The following ATP6V1H variants were observed in gnomAD, a reference collection of about 807,000 sequenced individuals.
ATP6V1H encodes the protein ATPase H+ transporting V1 subunit H, also known as V-type proton ATPase subunit H.
ATP6V1H carries 39 observed loss-of-function variants against 71.7 expected under a neutral mutation model. The ratio of observed to expected loss-of-function variants is 0.54; its 90% CI spans 0.42 to 0.71. ATP6V1H has a LOEUF of 0.71. Among genes scored for constraint, ATP6V1H ranks in the 30% least tolerant of loss-of-function variants. The probability of loss-of-function intolerance (pLI) is 0.00; values close to 1 mark genes in which losing one functional copy is unlikely to be tolerated. For synonymous variants in ATP6V1H, 192 were observed against 199.3 expected, an observed-to-expected ratio of 0.96 and a Z score of 0.31; for missense variants, 509 against 594.9, an observed-to-expected ratio of 0.86 and a Z score of 1.50.
intron 4 of ATP6V1H, among the ~76,000 whole-genome samples, chr8:53,819,042 CA>C (rs554153966): frequency 6.6e-6 from 1 of 151,242 alleles, no homozygotes; most frequent in Non-Finnish European, 1.5e-5. Context: ...CCCATCTCTA[CA>C]AAAAAATAAA....
intron 7 of ATP6V1H, among the ~76,000 whole-genome samples, chr8:53,804,038 G>C (rs1004711636): frequency 6.6e-6 from 1 of 152,130 alleles, no homozygotes; most frequent in Non-Finnish European, 1.5e-5. Context: ...TGGATTCTTG[G>C]TTGTTATTTA....
chr8:53,794,087 T>C (rs538939379), intron 9 of ATP6V1H, among the ~76,000 whole-genome samples: 13 of 152,054 alleles, frequency 8.5e-5, no homozygotes, highest in East Asian at 3.9e-4. Flanking sequence ...AGAGCACTGG[T>C]TAAATAAATA....
intron 9 of ATP6V1H, among the ~76,000 whole-genome samples, chr8:53,781,393 T>G (rs1039849611): frequency 1.3e-5 from 2 of 152,186 alleles, no homozygotes; most frequent in Admixed American, 6.5e-5. Context: ...GGGTTGTTTG[T>G]TTTTTTCTTG....
At chr8:53,722,513 G>A (rs993824894) in intron 13 of ATP6V1H, among the ~76,000 whole-genome samples, 5 of 152,184 alleles carry the variant, frequency 3.3e-5, no homozygotes, top group East Asian at 1.9e-4. Context: ...AAGATAGCAC[G>A]TAAGCAAAGT....
chr8:53,815,618 T>C (rs1810423212), intron 5 of ATP6V1H, among the ~76,000 whole-genome samples: 1 of 152,220 alleles, frequency 6.6e-6, no homozygotes, highest in South Asian at 2.1e-4. Flanking sequence ...TAGGGACTAA[T>C]GGGGCGCCTT....
intron 5 of ATP6V1H, among the ~76,000 whole-genome samples, 178 bp downstream of exon 5, chr8:53,817,239 A>T (rs1331895533): frequency 1.8e-5 from 2 of 113,472 alleles, no homozygotes; most frequent in East Asian, 1.3e-3. Flanking sequence ...TTTGTATTTA[A>T]AAAAAAAAAA....
chr8:53,764,614 T>C (rs1808385323), intron 11 of ATP6V1H, among the ~76,000 whole-genome samples: 1 of 152,090 alleles, frequency 6.6e-6, no homozygotes, highest in African/African-American at 2.4e-5. Flanking sequence ...CTCCCTAAGA[T>C]CAGAAGCAAC....
At position 53,772,903 on chromosome 8, in the gene ATP6V1H, C is replaced by CAAAAAAAAAAAA. The variant is rs201949406; in HGVS notation, c.871-748_871-737dup. 8.4e-4 allele frequency among the ~76,000 whole-genome samples: 50 copies of CAAAAAAAAAAAA among 59,286 alleles called. 1 individual carries two copies. Among genetic ancestry groups the CAAAAAAAAAAAA allele is most frequent in the African/African-American group, 1.8e-3 (29 of 15,912 alleles). 38.9% of individuals were successfully genotyped at this position (59,286 alleles called of 152,430 possible). ...GCTAGTTTAAAAAGCCTATCAAATG[C>CAAAAAAAAAAAA]AAAAAAAAAAAAAAAAAAACAAAAC... On this transcript the variant is annotated intron_variant, in intron 9 of 13. Coordinates refer to ENST00000359530, the MANE Select transcript of ATP6V1H (RefSeq NM_015941.4).
At chr8:53,738,034 G>A (rs1452614812) in intron 13 of ATP6V1H, among the ~76,000 whole-genome samples, 6 of 152,140 alleles carry the variant, frequency 3.9e-5, no homozygotes, top group African/African-American at 7.2e-5. Context: ...ATATCTTAGA[G>A]AGTGAATATA....
chr8:53,721,282 A>C (rs1286966056), intron 13 of ATP6V1H, among the ~76,000 whole-genome samples: 1 of 152,194 alleles, frequency 6.6e-6, no homozygotes, highest in African/African-American at 2.4e-5. Flanking sequence ...CTGAAAAAAA[A>C]CAAATTTTGT....
chr8:53,756,326 C>T (rs368199486), intron 12 of ATP6V1H: 1 of 300,588 alleles, frequency 3.3e-6, no homozygotes, highest in Non-Finnish European at 6.1e-6. Context: ...TTGTGATCTG[C>T]CTGCCTCGGC....
intron 13 of ATP6V1H, among the ~76,000 whole-genome samples, chr8:53,729,988 A>C (rs1806960978): frequency 6.6e-6 from 1 of 152,230 alleles, no homozygotes; most frequent in Admixed American, 6.5e-5. Context: ...CTGATGCGGA[A>C]AGCTGAGCTA....
chr8:53,721,392 T>C (rs564019526), intron 13 of ATP6V1H, among the ~76,000 whole-genome samples: 15 of 152,372 alleles, frequency 9.8e-5, no homozygotes, highest in Non-Finnish European at 1.8e-4. Flanking sequence ...AAGTACTATA[T>C]AGTCCAACTC....
At chr8:53,824,856 C>T (rs925509527) in intron 4 of ATP6V1H, among the ~76,000 whole-genome samples, 3 of 151,686 alleles carry the variant, frequency 2.0e-5, no homozygotes, top group African/African-American at 7.3e-5. Context: ...TTATAATTTA[C>T]AACTTTTATA....
chr8:53,802,736 T>C (rs1439943725), intron 7 of ATP6V1H, among the ~76,000 whole-genome samples: 2 of 151,684 alleles, frequency 1.3e-5, no homozygotes, highest in Non-Finnish European at 2.9e-5. Flanking sequence ...AGTAAATAAA[T>C]AAATAAATAA....
Position 53,843,214 on chromosome 8 carries a change from C to T in ATP6V1H, c.-216G>A, listed in dbSNP as rs1000765995. The T allele has an allele frequency of 6.6e-6, 1 of 152,408 alleles. No individual in the cohort carries two copies. The highest frequency in any genetic ancestry group is 2.1e-4 in the South Asian group (1 of 4,828). 9.4% of individuals were successfully genotyped at this position (152,408 alleles called of 1,614,324 possible). A position where few individuals can be genotyped will look rare whatever the true frequency, so the allele number is the denominator to read the frequency against. ...GCCGAAAGTGAAGCGGGTCCCGCACCAAGGAGACGTTGAGGGCCGCACAGG... is the reference window on the plus strand; with the variant it reads ...GCCGAAAGTGAAGCGGGTCCCGCACTAAGGAGACGTTGAGGGCCGCACAGG... On this transcript the variant is annotated 5_prime_UTR_variant, in exon 1 of 14. Transcript: ENST00000359530.
At chr8:53,829,418 A>C in intron 4 of ATP6V1H, 26 bp downstream of exon 4, 1 of 1,516,178 alleles carries the variant, frequency 6.6e-7, no homozygotes, top group South Asian at 1.2e-5. Flanking sequence ...AAGTCACCAA[A>C]TGTGTTAAGT....
At chr8:53,773,384 C>T (rs1375026314) in intron 9 of ATP6V1H, among the ~76,000 whole-genome samples, 4 of 152,124 alleles carry the variant, frequency 2.6e-5, no homozygotes, top group Admixed American at 2.6e-4. Flanking sequence ...CTCTCTCTGG[C>T]AGAAAACAAC....
intron 12 of ATP6V1H, among the ~76,000 whole-genome samples, chr8:53,746,011 G>T (rs924288170): frequency 1.3e-5 from 2 of 152,130 alleles, no homozygotes; most frequent in Admixed American, 1.3e-4. Context: ...TCAGAAAACT[G>T]CCATGTTGTG....
Sources: gnomAD v4.1 joint callset for allele counts (sites outside exome capture counted in the v4.1 genomes callset) on GRCh38, gnomAD v4.1.1 for gene constraint, MANE v1.5 for transcripts, NCBI Gene and HGNC (gene_info 2026-07-23, HGNC 2026-07-21) for gene names.